The following PIEZO2 variants were observed in gnomAD, a reference collection of about 807,000 sequenced individuals.
PIEZO2 encodes piezo type mechanosensitive ion channel component 2, also known as piezo-type mechanosensitive ion channel component 2.
Under a neutral mutation model 337.3 loss-of-function variants are expected in PIEZO2, and 172 were observed. The observed-to-expected ratio is 0.51, with a 90% CI of 0.45 to 0.58. PIEZO2 has a LOEUF of 0.58. PIEZO2 is among the 20% of genes least tolerant of loss of function. The pLI, the probability that PIEZO2 is intolerant of heterozygous loss-of-function variation, is 0.00. For synonymous variants in PIEZO2, 1,251 were observed against 1,228.5 expected (o/e 1.02, Z -0.38); for missense variants, 3,028 against 3,391.3 (o/e 0.89, Z 2.66).
chr18:10,749,588 G>C (rs1435118876), intron 29 of PIEZO2, among the ~76,000 whole-genome samples: 1 of 152,178 alleles, frequency 6.6e-6, no homozygotes, highest in African/African-American at 2.4e-5. Flanking sequence ...TGGTGCAAGA[G>C]GCAGGGTGGT....
chr18:10,902,808 T>C (rs1235503452), intron 4 of PIEZO2, among the ~76,000 whole-genome samples: 1 of 152,114 alleles, frequency 6.6e-6, no homozygotes, highest in Non-Finnish European at 1.5e-5. Context: ...ATTTGGGAAG[T>C]CATCCTGGAA....
chr18:10,725,255 G>A, intron 36 of PIEZO2: 1 of 1,565,530 alleles, frequency 6.4e-7, no homozygotes, highest in Non-Finnish European at 8.8e-7. Flanking sequence ...GCCACCGGCA[G>A]GCAGCTGCTC....
intron 24 of PIEZO2, among the ~76,000 whole-genome samples, chr18:10,760,115 T>G (rs938581845): frequency 2.0e-5 from 3 of 152,194 alleles, no homozygotes; most frequent in Non-Finnish European, 2.9e-5. Flanking sequence ...AAAAACTGAC[T>G]AAGTAGCTGT....
At chr18:10,725,655 C>T (rs548124823) in intron 36 of PIEZO2, among the ~76,000 whole-genome samples, 27 of 152,352 alleles carry the variant, frequency 1.8e-4, no homozygotes, top group Admixed American at 1.8e-3. Flanking sequence ...CCTGCCCACG[C>T]TCTGGGCTCG....
In PIEZO2 at chr18:10,859,663, C is replaced by A. The variant is rs2041821817; in HGVS notation, c.493-2452G>T. ...GTTTGTCTCTTAAGGTGAAACACTC[C>A]AGCAGAGTGGGCTGGACTCACCATT... On this transcript the variant is annotated intron_variant, in intron 5 of 55. Coordinates refer to ENST00000674853, the MANE Select transcript of PIEZO2 (RefSeq NM_001378183.1). The surrounding 1 kb of genome is among the most constrained non-coding windows in gnomAD (Gnocchi z 4.9). Among the ~76,000 whole-genome samples the A allele has an allele frequency of 6.6e-6, 1 of 152,226 alleles. No homozygotes were observed. Among genetic ancestry groups the A allele is most frequent in the Non-Finnish European group, 1.5e-5 (1 of 68,050 alleles).
At chr18:10,886,123 C>A (rs766000244) in intron 4 of PIEZO2, among the ~76,000 whole-genome samples, 16 of 150,204 alleles carry the variant, frequency 1.1e-4, no homozygotes, top group Non-Finnish European at 2.2e-4. Context: ...GTGAACCAAG[C>A]AAGTGGAAGC....
intron 3 of PIEZO2, among the ~76,000 whole-genome samples, chr18:10,977,293 A>G (rs1317476822): frequency 1.3e-5 from 2 of 149,494 alleles, no homozygotes; most frequent in East Asian, 1.9e-4. Flanking sequence ...GCAGACATGA[A>G]TAAGTTACAT....
In PIEZO2 at chr18:11,080,673, G is replaced by T. The variant is rs369253672; in HGVS notation, c.65-14451C>A. ...ATCCTGGCCAACACGGTGAAACCCC[G>T]TCTCTACTAAAAATACAAAAATTAG... On this transcript the variant is annotated intron_variant, in intron 1 of 55. Transcript: ENST00000674853. This position sits in a 1 kb window ranked among gnomAD's most constrained non-coding sequence, Gnocchi z 5.4. 3.3e-5 allele frequency among the ~76,000 whole-genome samples: 5 copies of T among 152,056 alleles called. No individual in the cohort carries two copies. The highest frequency in any genetic ancestry group is 9.7e-5 in the African/African-American group (4 of 41,400).
intron 33 of PIEZO2, chr18:10,738,545 A>G (rs1598418606): frequency 6.6e-6 from 1 of 152,236 alleles, no homozygotes; most frequent in African/African-American, 2.4e-5. Context: ...TAGGAAAATG[A>G]CAGAGCACAT....
intron 30 of PIEZO2, among the ~76,000 whole-genome samples, chr18:10,747,063 G>C (rs2037452978): frequency 6.6e-6 from 1 of 152,172 alleles, no homozygotes; most frequent in African/African-American, 2.4e-5. Context: ...TGAATTCTTT[G>C]AACACACTAT....
In PIEZO2 at chr18:11,148,468, CA is replaced by C. The variant is rs2040865139; in HGVS notation, c.64+56del. On this transcript the variant is annotated intron_variant, in intron 1 of 55. Transcript: ENST00000674853. This position sits in a 1 kb window ranked among gnomAD's most constrained non-coding sequence, Gnocchi z 5.2. ...CCCTTCACTTTGTTAAGAAGTCCCCCACCCAGGCGCCCCCCTCGTCCTCCTC... is the reference window on the plus strand; with the variant it reads ...CCCTTCACTTTGTTAAGAAGTCCCCCCCCAGGCGCCCCCCTCGTCCTCCTC... 3.9e-6 allele frequency: 6 copies of C among 1,519,452 alleles called. No individual in the cohort carries two copies. The South Asian group carries it at 7.2e-5, about 18-fold the overall frequency. 94.1% of individuals were successfully genotyped at this position (1,519,452 alleles called of 1,614,324 possible).
At position 10,979,880 on chromosome 18, in the gene PIEZO2, AAAG is replaced by A. The variant is rs1484168257; in HGVS notation, c.161-223_161-221del. 1.3e-5 allele frequency among the ~76,000 whole-genome samples: 2 copies of A among 152,196 alleles called. No homozygotes were observed. Among genetic ancestry groups the A allele is most frequent in the Non-Finnish European group, 2.9e-5 (2 of 68,024 alleles). The stretch of plus-strand genomic sequence containing the variant: ...TTATATTTATTAAAAATTCACTGTA[AAAG>A]AAGGATAATTTCCTATTTATCATAT... On this transcript the variant is annotated intron_variant, in intron 2 of 55. Coordinates refer to ENST00000674853, the MANE Select transcript of PIEZO2 (RefSeq NM_001378183.1). The surrounding 1 kb of genome is among the most constrained non-coding windows in gnomAD (Gnocchi z 4.0).
chr18:10,954,348 T>C lies in PIEZO2; in HGVS notation c.286+25187A>G, dbSNP rs1255383210. On this transcript the variant is annotated intron_variant, in intron 3 of 55. Transcript: ENST00000674853. This position sits in a 1 kb window ranked among gnomAD's most constrained non-coding sequence, Gnocchi z 4.2. ...CTGCATTTATTTAGGGTTTGTTTCA[T>C]TTATTTCTGCAGCATATGGGTCTTG... Among the ~76,000 whole-genome samples the C allele has an allele frequency of 1.3e-5, 2 of 152,236 alleles. No homozygotes were observed. Among genetic ancestry groups the C allele is most frequent in the Admixed American group, 6.5e-5 (1 of 15,290 alleles).
At chr18:10,857,634 C>T (rs2041744092) in intron 5 of PIEZO2, among the ~76,000 whole-genome samples, 1 of 152,252 alleles carries the variant, frequency 6.6e-6, no homozygotes, top group South Asian at 2.1e-4. Flanking sequence ...CCAATCAATG[C>T]TTAGGAAATT....
intron 1 of PIEZO2, 74 bp from the exon 2 acceptor site, chr18:11,066,296 C>A (rs2038148037): frequency 5.3e-6 from 6 of 1,142,712 alleles, no homozygotes; most frequent in Non-Finnish European, 5.0e-6. Flanking sequence ...GGGTGCATAA[C>A]AAAAGATGGT....
chr18:10,681,720 A>C lies in PIEZO2; in HGVS notation c.7720T>G (p.Leu2574Val). The C allele has an allele frequency of 6.2e-7, 1 of 1,611,706 alleles. No individual in the cohort carries two copies. The highest frequency in any genetic ancestry group is 1.3e-5 in the African/African-American group (1 of 74,982). ...AAGCTCTGCTGGTCCATAACTTTCA[A>C]CTGGCTTTGTTGGGCACTCATTGTG... Reference protein sequence around the residue: ...IFTMSAQQSQLKVMDQQSFNK... With the variant: ...IFTMSAQQSQVKVMDQQSFNK... The change falls in exon 51 of 56, where the codon TTG becomes GTG. Residue 2574 changes from leucine to valine, a missense_variant. This residue lies in a region of PIEZO2 where 332 missense variants were observed against 363.8 expected (regional missense o/e 0.91). Coordinates refer to ENST00000674853, the MANE Select transcript of PIEZO2 (RefSeq NM_001378183.1).
At chr18:10,755,237 C>T (rs1227693196) in intron 27 of PIEZO2, among the ~76,000 whole-genome samples, 5 of 151,930 alleles carry the variant, frequency 3.3e-5, no homozygotes, top group Non-Finnish European at 2.9e-5. Context: ...AGAGAGACTC[C>T]ATGTGTGGGG....
At position 10,704,513 on chromosome 18, in the gene PIEZO2, G is replaced by A. The variant is rs2035483894; in HGVS notation, c.6139C>T (p.His2047Tyr). ...MVCYFVIILN[H>Y]MVSASMITLL... ...GTGATCATGGAGGCAGAGACCATGT[G>A]GTTGAGGATGATCACGAAGTAGCAC... Residue 2047 changes from histidine to tyrosine, a missense_variant, in exon 42 of 56, where the codon CAC becomes TAC. Coordinates refer to ENST00000674853, the MANE Select transcript of PIEZO2 (RefSeq NM_001378183.1). 6.5e-7 allele frequency: 1 copy of A among 1,537,126 alleles called. No homozygotes were observed. The highest frequency in any genetic ancestry group is 1.2e-5 in the South Asian group (1 of 84,056).
At chr18:10,892,678 G>C (rs947473742) in intron 4 of PIEZO2, among the ~76,000 whole-genome samples, 1 of 152,072 alleles carries the variant, frequency 6.6e-6, no homozygotes, top group African/African-American at 2.4e-5. Flanking sequence ...TGGGGAGAGG[G>C]GCGGGGGTGA....
Sources: gnomAD v4.1 joint callset for allele counts (sites outside exome capture counted in the v4.1 genomes callset) on GRCh38, gnomAD v4.1.1 for gene constraint, gnomAD v4.1.1 regional missense constraint, Gnocchi (gnomAD v3.1) non-coding constraint, MANE v1.5 for transcripts, NCBI Gene and HGNC (gene_info 2026-07-23, HGNC 2026-07-21) for gene names.